Variants in KITLG observed in about 807,000 individuals in gnomAD.
KITLG encodes the protein KIT ligand.
KITLG carries 13 observed loss-of-function variants against 34.1 expected under a neutral mutation model. That is an observed-to-expected ratio of 0.38 (90% CI 0.25 to 0.61). KITLG has a LOEUF of 0.61. Among genes scored for constraint, KITLG ranks in the 20% least tolerant of loss-of-function variants. The pLI, the probability that KITLG is intolerant of heterozygous loss-of-function variation, is 0.60. For synonymous variants in KITLG, 110 were observed against 104.0 expected (o/e 1.06, Z -0.35); for missense variants, 292 against 318.9 (o/e 0.92, Z 0.64).
chr12:88,553,341 C>T (rs915418188), intron 1 of KITLG, among the ~76,000 whole-genome samples: 2 of 152,156 alleles, frequency 1.3e-5, no homozygotes, highest in East Asian at 1.9e-4. Flanking sequence ...TGTGCACACA[C>T]GCTCACACAC....
chr12:88,523,797 T>G (rs367813212), intron 3 of KITLG, among the ~76,000 whole-genome samples: 1 of 152,212 alleles, frequency 6.6e-6, no homozygotes, highest in East Asian at 1.9e-4. Context: ...TTTGTAATGA[T>G]TTATTTTAGT....
intron 6 of KITLG, among the ~76,000 whole-genome samples, chr12:88,512,151 AT>A (rs1196680823): frequency 3.3e-5 from 5 of 152,098 alleles, no homozygotes; most frequent in Non-Finnish European, 7.4e-5. Context: ...ACAAAAAAGA[AT>A]TTTTTTTCAT....
intron 1 of KITLG, among the ~76,000 whole-genome samples, chr12:88,550,015 T>C (rs898471490): frequency 2.6e-5 from 4 of 152,190 alleles, no homozygotes; most frequent in African/African-American, 9.6e-5. Context: ...GACCACTGGT[T>C]TGGCAACATT....
chr12:88,520,512 A>T (rs1869618957), intron 3 of KITLG, among the ~76,000 whole-genome samples: 1 of 152,148 alleles, frequency 6.6e-6, no homozygotes, highest in South Asian at 2.1e-4. Context: ...TCTAACAATG[A>T]AATTCCAGGT....
intron 1 of KITLG, among the ~76,000 whole-genome samples, chr12:88,572,531 C>T (rs1871685653): frequency 6.8e-6 from 1 of 148,030 alleles, no homozygotes; most frequent in Admixed American, 6.8e-5. Flanking sequence ...TTTAAAAACA[C>T]TTTTCTGGGC....
At chr12:88,502,071 T>C (rs1868314454) in intron 9 of KITLG, among the ~76,000 whole-genome samples, 1 of 152,158 alleles carries the variant, frequency 6.6e-6, no homozygotes, top group African/African-American at 2.4e-5. Flanking sequence ...CAGGTTTTTG[T>C]AGGTGGCAGT....
At chr12:88,514,280 G>A (rs1188783069) in intron 6 of KITLG, among the ~76,000 whole-genome samples, 1 of 151,586 alleles carries the variant, frequency 6.6e-6, no homozygotes. Flanking sequence ...AAAAAGTGGA[G>A]TAAATGAAAC....
intron 1 of KITLG, among the ~76,000 whole-genome samples, chr12:88,573,399 G>A (rs1423870055): frequency 2.0e-5 from 3 of 152,164 alleles, no homozygotes; most frequent in Admixed American, 6.5e-5. Flanking sequence ...CAGCACTGTA[G>A]GGCCCTAAGA....
intron 8 of KITLG, 139 bp downstream of exon 8, chr12:88,506,172 C>T (rs1869049162): frequency 1.4e-6 from 1 of 692,380 alleles, no homozygotes; most frequent in Non-Finnish European, 2.6e-6. Context: ...ACATCAGAAA[C>T]ATGGATAGAG....
chr12:88,505,276 A>T lies in KITLG; in HGVS notation c.783-41T>A, dbSNP rs377048625. ...AAAAAATGCTTATTTGCTCTTGGTCAGAGATTCTGAGGTACACCATGATCT... is the reference window on the plus strand; with the variant it reads ...AAAAAATGCTTATTTGCTCTTGGTCTGAGATTCTGAGGTACACCATGATCT... On this transcript the variant is annotated intron_variant, in intron 8 of 9. Coordinates refer to ENST00000644744, the MANE Select transcript of KITLG (RefSeq NM_000899.5). The T allele has an allele frequency of 7.2e-4, 1,074 of 1,487,554 alleles. 9 individuals carry two copies. In the Middle Eastern group the frequency reaches 0.018, roughly 25 times the overall value. 92.1% of individuals were successfully genotyped at this position (1,487,554 alleles called of 1,614,324 possible).
At chr12:88,544,930 C>A (rs1163565964) in intron 2 of KITLG, among the ~76,000 whole-genome samples, 1 of 151,644 alleles carries the variant, frequency 6.6e-6, no homozygotes, top group Admixed American at 6.6e-5. Flanking sequence ...TCATTTCTTA[C>A]CTATTCTCGC....
intron 1 of KITLG, among the ~76,000 whole-genome samples, chr12:88,550,665 C>T (rs937615047): frequency 1.3e-5 from 2 of 152,120 alleles, no homozygotes; most frequent in South Asian, 4.1e-4. Context: ...TCAGTAAGCC[C>T]AGGTCTGTCC....
chr12:88,522,581 C>T (rs918243895), intron 3 of KITLG, among the ~76,000 whole-genome samples: 2 of 152,004 alleles, frequency 1.3e-5, no homozygotes, highest in South Asian at 2.1e-4. Context: ...GCATCTGCCA[C>T]CACGCCCAGC....
chr12:88,515,214 G>A (rs542944050), intron 6 of KITLG, among the ~76,000 whole-genome samples: 15 of 151,600 alleles, frequency 9.9e-5, no homozygotes, highest in Middle Eastern at 6.8e-3. Context: ...TTAAACTTCC[G>A]TTTTTGTCAG....
At chr12:88,540,084 T>C (rs1870469813) in intron 2 of KITLG, among the ~76,000 whole-genome samples, 1 of 152,118 alleles carries the variant, frequency 6.6e-6, no homozygotes, top group Non-Finnish European at 1.5e-5. Context: ...TGACATACCT[T>C]ATGATGATGA....
intron 2 of KITLG, among the ~76,000 whole-genome samples, chr12:88,533,070 AC>A (rs140886498): frequency 0.017 from 2,536 of 152,298 alleles, 73 homozygotes; most frequent in African/African-American, 0.058. Context: ...CTTCAAAAAA[AC>A]AATGCTACTT....
At chr12:88,556,767 G>A (rs1871110457) in intron 1 of KITLG, among the ~76,000 whole-genome samples, 1 of 152,178 alleles carries the variant, frequency 6.6e-6, no homozygotes, top group Non-Finnish European at 1.5e-5. Context: ...TATCTGTGTA[G>A]GAGATGAGAG....
intron 4 of KITLG, among the ~76,000 whole-genome samples, chr12:88,517,993 G>A (rs1869514150): frequency 6.6e-6 from 1 of 152,102 alleles, no homozygotes; most frequent in Non-Finnish European, 1.5e-5. Context: ...GACACAGTGT[G>A]ATGAAAAAAC....
chr12:88,554,377 T>C (rs1411709178), intron 1 of KITLG, among the ~76,000 whole-genome samples: 1 of 152,140 alleles, frequency 6.6e-6, no homozygotes, highest in East Asian at 1.9e-4. Context: ...AAAAAGAGAG[T>C]TAAGTGTTTG....
Sources: gnomAD v4.1 joint callset for allele counts (sites outside exome capture counted in the v4.1 genomes callset) on GRCh38, gnomAD v4.1.1 for gene constraint, MANE v1.5 for transcripts, NCBI Gene and HGNC (gene_info 2026-07-23, HGNC 2026-07-21) for gene names.